Variants in CLEC16A observed in about 807,000 individuals in gnomAD.
The protein encoded by CLEC16A is protein CLEC16A.
Under a neutral mutation model 109.5 loss-of-function variants are expected in CLEC16A, and 51 were observed. That is an observed-to-expected ratio of 0.47 (90% CI 0.37 to 0.59). The LOEUF (loss-of-function observed/expected upper bound fraction) is 0.59. CLEC16A is among the 20% of genes least tolerant of loss of function. The probability of loss-of-function intolerance (pLI) is 0.00; values close to 1 mark genes in which losing one functional copy is unlikely to be tolerated. For synonymous variants in CLEC16A, 673 were observed against 564.2 expected (o/e 1.19, Z -2.73); for missense variants, 1,339 against 1,394.0 (o/e 0.96, Z 0.63).
chr16:11,178,231 C>A lies in CLEC16A; in HGVS notation c.2807-104C>A. The A allele has an allele frequency of 9.8e-7, 1 of 1,018,694 alleles. No homozygotes were observed. Among genetic ancestry groups the A allele is most frequent in the Non-Finnish European group, 1.5e-6 (1 of 680,298 alleles). 63.1% of individuals were successfully genotyped at this position (1,018,694 alleles called of 1,614,324 possible). On this transcript the variant is annotated intron_variant, in intron 23 of 23. Coordinates refer to ENST00000409790, the MANE Select transcript of CLEC16A (RefSeq NM_015226.3). This position sits in a 1 kb window ranked among gnomAD's most constrained non-coding sequence, Gnocchi z 6.5. Reference sequence around the variant, plus strand: ...GCCCTCACGCCAGCCAGCCACCTCCCACCTAGCTCACCAGGGCCGCGGTTC... The same window carrying A: ...GCCCTCACGCCAGCCAGCCACCTCCAACCTAGCTCACCAGGGCCGCGGTTC...
intron 21 of CLEC16A, among the ~76,000 whole-genome samples, chr16:11,124,920 C>A (rs1434409456): frequency 6.6e-6 from 1 of 152,174 alleles, no homozygotes; most frequent in Non-Finnish European, 1.5e-5. Context: ...GACCCTGTCT[C>A]TACAAAGAAA....
Position 11,061,027 on chromosome 16 carries a change from G to T in CLEC16A, c.2116+5G>T, listed in dbSNP as rs748080477. 2 of 1,602,516 alleles carry T rather than the reference G, an allele frequency of 1.2e-6. No individual in the cohort carries two copies. Among genetic ancestry groups the T allele is most frequent in the Non-Finnish European group, 8.5e-7 (1 of 1,175,736 alleles). ...CTGATGATGTCCTGGATCTGAGTGAGTTGGCTGCTCTGAGTCACAGCAGGG... is the reference window on the plus strand; with the variant it reads ...CTGATGATGTCCTGGATCTGAGTGATTTGGCTGCTCTGAGTCACAGCAGGG... On this transcript the variant is annotated splice_donor_5th_base_variant and intron_variant, in intron 19 of 23. Coordinates refer to ENST00000409790, the MANE Select transcript of CLEC16A (RefSeq NM_015226.3).
chr16:11,150,764 G>T (rs1272695633), intron 22 of CLEC16A, among the ~76,000 whole-genome samples: 1 of 152,196 alleles, frequency 6.6e-6, no homozygotes, highest in Non-Finnish European at 1.5e-5. Flanking sequence ...GAGGGTAGAA[G>T]TGCAAAATCA....
At chr16:11,001,362 A>G (rs1401078956) in intron 10 of CLEC16A, among the ~76,000 whole-genome samples, 2 of 152,182 alleles carry the variant, frequency 1.3e-5, no homozygotes, top group Non-Finnish European at 2.9e-5. Flanking sequence ...CTGGGATTAC[A>G]GGTGTGAGCC....
At chr16:11,158,054 G>T (rs1031667129) in intron 22 of CLEC16A, among the ~76,000 whole-genome samples, 1 of 152,128 alleles carries the variant, frequency 6.6e-6, no homozygotes, top group Non-Finnish European at 1.5e-5. Flanking sequence ...CCCATCTCTC[G>T]CCCCAGGGAC....
chr16:11,055,773 A>G (rs1192840082), intron 18 of CLEC16A, among the ~76,000 whole-genome samples: 1 of 150,208 alleles, frequency 6.7e-6, no homozygotes, highest in Non-Finnish European at 1.5e-5. Context: ...TTTAGTAGAG[A>G]CTGGGTTTCC....
chr16:11,040,515 T>TTTTTTTTC, intron 14 of CLEC16A: 1 of 30,184 alleles, frequency 3.3e-5, no homozygotes, highest in South Asian at 1.5e-3. Flanking sequence ...TTTTCTTTTC[T>TTTTTTTTC]TTTTTTTTTT....
At chr16:10,969,370 T>C (rs1299592937) in intron 4 of CLEC16A, 61 bp downstream of exon 4, 1 of 1,296,208 alleles carries the variant, frequency 7.7e-7, no homozygotes, top group East Asian at 2.5e-5. Context: ...TTTTTTTTTT[T>C]TTTTACGGCA....
At chr16:11,152,701 G>A (rs765788211) in intron 22 of CLEC16A, among the ~76,000 whole-genome samples, 1 of 152,208 alleles carries the variant, frequency 6.6e-6, no homozygotes, top group Non-Finnish European at 1.5e-5. Context: ...TCAAAGCTAA[G>A]GGCACCACTG....
chr16:11,123,572 C>G (rs1244806048), intron 20 of CLEC16A, among the ~76,000 whole-genome samples, 170 bp from the exon 21 acceptor site: 4 of 152,218 alleles, frequency 2.6e-5, no homozygotes, highest in African/African-American at 4.8e-5. Flanking sequence ...TGGGCCTGGT[C>G]TGCCTTGTGC....
At chr16:11,004,382 C>T (rs4287582) in intron 11 of CLEC16A, among the ~76,000 whole-genome samples, 1 of 152,144 alleles carries the variant, frequency 6.6e-6, no homozygotes, top group Non-Finnish European at 1.5e-5. Flanking sequence ...TGGGGCTCTT[C>T]TCAGGAAGGT....
intron 1 of CLEC16A, among the ~76,000 whole-genome samples, chr16:10,953,956 G>T (rs1368763642): frequency 7.1e-6 from 1 of 140,030 alleles, no homozygotes; most frequent in African/African-American, 2.7e-5. Context: ...CAGCCTGGGC[G>T]ACAGAGCAAG....
intron 2 of CLEC16A, 139 bp from the exon 3 acceptor site, chr16:10,962,316 A>G (rs1596762215): frequency 3.4e-6 from 3 of 881,648 alleles, no homozygotes; most frequent in Middle Eastern, 2.7e-4. Context: ...GTGGCGGGTG[A>G]CAATGGGTGG....
chr16:11,122,201 A>G (rs10852330), intron 20 of CLEC16A, among the ~76,000 whole-genome samples: 100,098 of 152,118 alleles, frequency 0.66, 33,438 homozygotes, highest in South Asian at 0.75. Context: ...ACTTGAAGCT[A>G]CTGTTACAGC....
At chr16:11,155,051 G>A (rs1363115113) in intron 22 of CLEC16A, among the ~76,000 whole-genome samples, 1 of 152,132 alleles carries the variant, frequency 6.6e-6, no homozygotes, top group Non-Finnish European at 1.5e-5. Context: ...TGAGCCTGGC[G>A]AGGTCAAGAG....
intron 20 of CLEC16A, 52 bp downstream of exon 20, chr16:11,120,818 ACAC>A: frequency 8.3e-7 from 1 of 1,199,406 alleles, no homozygotes; most frequent in Non-Finnish European, 1.1e-6. Flanking sequence ...ACAAACACAC[ACAC>A]ACACACACAC....
In CLEC16A at chr16:11,060,925, G is replaced by A; in HGVS notation, c.2019G>A (p.Leu673=). ...TRRAIRVFFM[L]RSLSLQLRGE... ...AGGCCATCCGGGTGTTCTTCATGCT[G>A]CGTTCCCTGTCACTGCAATTGCGAG... The change falls in exon 19 of 24, where the codon CTG becomes CTA. Residue 673 remains leucine (L), a synonymous_variant. Transcript: ENST00000409790. The A allele has an allele frequency of 6.2e-7, 1 of 1,612,296 alleles. No individual in the cohort carries two copies. Among genetic ancestry groups the A allele is most frequent in the Non-Finnish European group, 8.5e-7 (1 of 1,179,236 alleles).
intron 10 of CLEC16A, among the ~76,000 whole-genome samples, chr16:11,000,274 G>T (rs1047533444): frequency 2.6e-5 from 4 of 152,218 alleles, no homozygotes; most frequent in African/African-American, 9.6e-5. Context: ...AGCCCCAGGC[G>T]CTGAGCACTT....
At chr16:11,165,797 C>T (rs2068236830) in intron 22 of CLEC16A, among the ~76,000 whole-genome samples, 1 of 152,166 alleles carries the variant, frequency 6.6e-6, no homozygotes, top group Admixed American at 6.5e-5. Flanking sequence ...CCCGGAGATG[C>T]TGAGGGCCAT....
Sources: allele counts gnomAD v4.1 joint callset (sites outside exome capture counted in the v4.1 genomes callset), GRCh38; gene constraint gnomAD v4.1.1; non-coding constraint Gnocchi (gnomAD v3.1); transcripts MANE v1.5; gene names NCBI Gene and HGNC (gene_info 2026-07-23, HGNC 2026-07-21).